ARHGEF3: variants seen among roughly 807,000 people sequenced by gnomAD.
ARHGEF3 encodes Rho guanine nucleotide exchange factor 3.
Under a neutral mutation model 63.2 loss-of-function variants are expected in ARHGEF3, and 28 were observed. The observed-to-expected ratio is 0.44, with a 90% CI of 0.33 to 0.61. ARHGEF3 has a LOEUF of 0.61. ARHGEF3 is among the 20% of genes least tolerant of loss of function. The probability of loss-of-function intolerance (pLI) is 0.03; values close to 1 mark genes in which losing one functional copy is unlikely to be tolerated. For synonymous variants in ARHGEF3, 266 were observed against 254.2 expected, an observed-to-expected ratio of 1.05 and a Z score of -0.44; for missense variants, 533 against 659.3, an observed-to-expected ratio of 0.81 and a Z score of 2.10.
At chr3:56,913,585 G>A (rs2041910379) in intron 3 of ARHGEF3, among the ~76,000 whole-genome samples, 1 of 152,192 alleles carries the variant, frequency 6.6e-6, no homozygotes, top group South Asian at 2.1e-4. Context: ...AGCCATTGTG[G>A]AAAACAGTAT....
At chr3:57,037,718 C>CA (rs1408469262) in intron 1 of ARHGEF3, among the ~76,000 whole-genome samples, 6 of 152,086 alleles carry the variant, frequency 3.9e-5, no homozygotes, top group South Asian at 2.1e-4. Context: ...ATTAAAAACA[C>CA]AAAAAAATTA....
chr3:56,892,883 T>C (rs897946888), intron 3 of ARHGEF3, among the ~76,000 whole-genome samples: 4 of 152,208 alleles, frequency 2.6e-5, no homozygotes, highest in Non-Finnish European at 5.9e-5. Flanking sequence ...GGCAGGCCTT[T>C]AACCCTAGGG....
At chr3:57,054,831 A>T (rs1704844521) in intron 1 of ARHGEF3, among the ~76,000 whole-genome samples, 1 of 151,478 alleles carries the variant, frequency 6.6e-6, no homozygotes, top group Non-Finnish European at 1.5e-5. Context: ...TTGTATTTTT[A>T]GTAGAGACGG....
At chr3:56,880,948 G>A (rs191669443) in intron 4 of ARHGEF3, among the ~76,000 whole-genome samples, 59 of 152,232 alleles carry the variant, frequency 3.9e-4, no homozygotes, top group Admixed American at 1.7e-3. Context: ...TAAAACAGAC[G>A]CTCAAGTACA....
chr3:56,748,745 C>A (rs1485978231), intron 6 of ARHGEF3, among the ~76,000 whole-genome samples: 1 of 152,108 alleles, frequency 6.6e-6, no homozygotes. Flanking sequence ...CTCAAACAGG[C>A]TGACCCATTA....
intron 3 of ARHGEF3, among the ~76,000 whole-genome samples, chr3:56,909,414 C>G (rs2041793827): frequency 6.6e-6 from 1 of 152,188 alleles, no homozygotes; most frequent in Non-Finnish European, 1.5e-5. Context: ...TGGTGCAGAG[C>G]CTGCCTCTCT....
At chr3:56,873,303 T>G (rs2108229902) in intron 4 of ARHGEF3, among the ~76,000 whole-genome samples, 1 of 152,192 alleles carries the variant, frequency 6.6e-6, no homozygotes, top group South Asian at 2.1e-4. Flanking sequence ...GGGGGTTTGT[T>G]GTAGAGATTA....
intron 1 of ARHGEF3, among the ~76,000 whole-genome samples, chr3:56,801,147 CCG>C (rs1464604600): frequency 6.6e-6 from 1 of 152,234 alleles, no homozygotes; most frequent in Non-Finnish European, 1.5e-5. Context: ...CCCCAGCCCC[CCG>C]GCTGAATGAC....
intron 1 of ARHGEF3, among the ~76,000 whole-genome samples, chr3:57,047,001 T>C (rs1168987327): frequency 2.0e-5 from 3 of 152,228 alleles, no homozygotes; most frequent in African/African-American, 4.8e-5. Flanking sequence ...AAAACATCTA[T>C]ATTGCAAAAA....
At chr3:56,907,767 C>G (rs2041735374) in intron 3 of ARHGEF3, among the ~76,000 whole-genome samples, 1 of 152,122 alleles carries the variant, frequency 6.6e-6, no homozygotes, top group Non-Finnish European at 1.5e-5. Context: ...AATGCAGGAA[C>G]AGAAAACCAA....
intron 1 of ARHGEF3, among the ~76,000 whole-genome samples, chr3:57,047,066 G>A (rs1268276000): frequency 6.6e-6 from 1 of 152,114 alleles, no homozygotes; most frequent in East Asian, 1.9e-4. Context: ...TAGACTACTG[G>A]GACCTGGTGT....
chr3:56,991,137 CCT>C (rs1341119289), intron 2 of ARHGEF3, among the ~76,000 whole-genome samples: 1 of 152,130 alleles, frequency 6.6e-6, no homozygotes, highest in Non-Finnish European at 1.5e-5. Flanking sequence ...TACCCTAGTC[CCT>C]CTCAGGCTGC....
chr3:57,062,874 G>C (rs1213096071), intron 1 of ARHGEF3, among the ~76,000 whole-genome samples: 1 of 152,214 alleles, frequency 6.6e-6, no homozygotes, highest in Non-Finnish European at 1.5e-5. Flanking sequence ...GTCTGTACCA[G>C]GCAAGGCACT....
intron 3 of ARHGEF3, among the ~76,000 whole-genome samples, chr3:56,918,062 G>GT (rs1159237558): frequency 6.6e-6 from 1 of 152,340 alleles, no homozygotes; most frequent in African/African-American, 2.4e-5. Flanking sequence ...GTGGTGGCTG[G>GT]TGGAGGGGTA....
intron 9 of ARHGEF3, among the ~76,000 whole-genome samples, chr3:56,730,629 C>T (rs964687631): frequency 2.0e-5 from 3 of 152,162 alleles, no homozygotes; most frequent in African/African-American, 4.8e-5. Context: ...GATCCACCCA[C>T]CTCAGCCTCC....
At chr3:57,074,874 G>A (rs1410756739) in intron 1 of ARHGEF3, 1 of 167,408 alleles carries the variant, frequency 6.0e-6, no homozygotes, top group African/African-American at 2.4e-5. Context: ...CCCTGTAAAT[G>A]TAGGTACCAG....
At chr3:56,922,581 C>A (rs553300159) in intron 3 of ARHGEF3, among the ~76,000 whole-genome samples, 18 of 152,146 alleles carry the variant, frequency 1.2e-4, no homozygotes, top group African/African-American at 3.9e-4. Flanking sequence ...CTTGACACAC[C>A]GAATTTCCAA....
intron 3 of ARHGEF3, among the ~76,000 whole-genome samples, chr3:56,917,863 A>C (rs1475500469): frequency 6.6e-6 from 1 of 152,208 alleles, no homozygotes; most frequent in Non-Finnish European, 1.5e-5. Flanking sequence ...AGAAAGGAGG[A>C]AGTGAAATCA....
intron 3 of ARHGEF3, among the ~76,000 whole-genome samples, chr3:56,908,785 G>A (rs1039125453): frequency 6.6e-6 from 1 of 152,054 alleles, no homozygotes; most frequent in Non-Finnish European, 1.5e-5. Context: ...TAAAGGGGTT[G>A]GATGCTATGT....
Sources: allele counts gnomAD v4.1 joint callset (sites outside exome capture counted in the v4.1 genomes callset), GRCh38; gene constraint gnomAD v4.1.1; transcripts MANE v1.5; gene names NCBI Gene and HGNC (gene_info 2026-07-23, HGNC 2026-07-21).